PHIP: variants seen among roughly 807,000 people sequenced by gnomAD.
The protein encoded by PHIP is PHIP subunit of CUL4-Ring ligase complex, also known as PH-interacting protein.
A neutral mutation model predicts 236.8 loss-of-function variants in PHIP; 54 were observed. The ratio of observed to expected loss-of-function variants is 0.23; its 90% CI spans 0.18 to 0.29. PHIP has a LOEUF of 0.29. Among genes scored for constraint, PHIP ranks in the 10% least tolerant of loss-of-function variants. PHIP has a pLI of 1.00. For missense variants in PHIP, 1,370 were observed against 2,190.8 expected (o/e 0.63, Z 7.48); for synonymous variants, 756 against 718.9 (o/e 1.05, Z -0.83).
intron 6 of PHIP, among the ~76,000 whole-genome samples, chr6:79,044,683 G>T (rs915819129): frequency 1.3e-5 from 2 of 151,904 alleles, no homozygotes; most frequent in African/African-American, 4.8e-5. Flanking sequence ...CCAAAATGTC[G>T]AATTTTAGGA....
chr6:79,015,063 T>C lies in PHIP; in HGVS notation c.1524+19A>G, dbSNP rs1471929527. On this transcript the variant is annotated intron_variant, in intron 15 of 39. Coordinates refer to ENST00000275034, the MANE Select transcript of PHIP (RefSeq NM_017934.7). ...TCCCAAATCTTTAGTAGGTATAAAATGAAGAGAATGATAATTACCATATTG... is the reference window on the plus strand; with the variant it reads ...TCCCAAATCTTTAGTAGGTATAAAACGAAGAGAATGATAATTACCATATTG... The C allele has an allele frequency of 6.2e-7, 1 of 1,601,170 alleles. No individual in the cohort carries two copies. Among genetic ancestry groups the C allele is most frequent in the Non-Finnish European group, 8.6e-7 (1 of 1,169,518 alleles).
At chr6:78,955,169 AG>A in intron 34 of PHIP, 62 bp downstream of exon 34, 1 of 1,158,252 alleles carries the variant, frequency 8.6e-7, no homozygotes, top group Non-Finnish European at 1.2e-6. Flanking sequence ...AAAAAAATAA[AG>A]AAAGCTCTTA....
rs866129442 is a variant in PHIP, at chr6:78,974,418, T to A, written c.2890-3530A>T. On this transcript the variant is annotated intron_variant, in intron 24 of 39. Coordinates refer to ENST00000275034, the MANE Select transcript of PHIP (RefSeq NM_017934.7). ...TTATAGCACTAAATGCCCACAAGAGTAAGCAGGAAAGATCCAAAATTGACA... is the reference window on the plus strand; with the variant it reads ...TTATAGCACTAAATGCCCACAAGAGAAAGCAGGAAAGATCCAAAATTGACA... Among the ~76,000 whole-genome samples, 88 of 150,550 alleles carry A rather than the reference T, an allele frequency of 5.8e-4. 1 individual carries two copies. The South Asian group carries it at 7.0e-3, about 12-fold the overall frequency.
intron 19 of PHIP, among the ~76,000 whole-genome samples, chr6:78,993,263 G>A (rs1418697393): frequency 6.6e-6 from 1 of 152,244 alleles, no homozygotes; most frequent in East Asian, 1.9e-4. Context: ...ACATAAAAGT[G>A]TAGGGTGAAG....
At chr6:79,038,474 A>G (rs1376068564) in intron 7 of PHIP, among the ~76,000 whole-genome samples, 1 of 152,214 alleles carries the variant, frequency 6.6e-6, no homozygotes, top group African/African-American at 2.4e-5. Flanking sequence ...GAGGGGACAG[A>G]AACATTCAGA....
At chr6:78,978,932 C>G (rs895460617) in intron 23 of PHIP, among the ~76,000 whole-genome samples, 1 of 152,110 alleles carries the variant, frequency 6.6e-6, no homozygotes, top group African/African-American at 2.4e-5. Context: ...AAAGTTCCAA[C>G]AGGCAAAACT....
chr6:79,055,553 C>G (rs1044290135), intron 6 of PHIP, among the ~76,000 whole-genome samples: 10 of 152,152 alleles, frequency 6.6e-5, no homozygotes, highest in African/African-American at 9.6e-5. Context: ...AAAAGAATCA[C>G]AAGCTAGTAA....
rs529717950 is a variant in PHIP, at chr6:78,971,757, A to C, written c.2890-869T>G. ...GGGAGTTCCCTTTCCTAATCAAAGAAAGGGGTGACGGACGGCACCTGGAAA... is the reference window on the plus strand; with the variant it reads ...GGGAGTTCCCTTTCCTAATCAAAGACAGGGGTGACGGACGGCACCTGGAAA... On this transcript the variant is annotated intron_variant, in intron 24 of 39. Coordinates refer to ENST00000275034, the MANE Select transcript of PHIP (RefSeq NM_017934.7). 3.1e-3 allele frequency among the ~76,000 whole-genome samples: 474 copies of C among 152,226 alleles called. 3 individuals are homozygous for C. Among genetic ancestry groups the C allele is most frequent in the African/African-American group, 0.011 (440 of 41,540 alleles).
chr6:79,076,147 A>C (rs770810891), intron 4 of PHIP, among the ~76,000 whole-genome samples: 3 of 152,190 alleles, frequency 2.0e-5, no homozygotes, highest in Non-Finnish European at 2.9e-5. Flanking sequence ...AACAGCCTTG[A>C]GCGGTTATCA....
At position 78,963,752 on chromosome 6, in the gene PHIP, T is replaced by C. The variant is rs756153312; in HGVS notation, c.3380-500A>G. On this transcript the variant is annotated intron_variant, in intron 29 of 39. Coordinates refer to ENST00000275034, the MANE Select transcript of PHIP (RefSeq NM_017934.7). ...TATGAAGGTATGCTTTCTGCATGCT[T>C]GAATCTTTAACAGTTTTAGCTGAGA... 3.9e-5 allele frequency among the ~76,000 whole-genome samples: 6 copies of C among 152,334 alleles called. No individual in the cohort carries two copies. In the Middle Eastern group the frequency reaches 0.01, roughly 259 times the overall value.
rs763939276 is a variant in PHIP, at chr6:78,963,083, G to A, written c.3535+14C>T. On this transcript the variant is annotated intron_variant, in intron 30 of 39. Coordinates refer to ENST00000275034, the MANE Select transcript of PHIP (RefSeq NM_017934.7). ...CTGCCAGTTTTTTCTATACTCGCGT[G>A]TTGCTTTACTTACCTAGTGTCATCA... is the stretch of plus-strand genomic sequence containing the variant. 2 of 1,566,006 alleles carry A rather than the reference G, an allele frequency of 1.3e-6. No individual in the cohort carries two copies. The highest frequency in any genetic ancestry group is 1.7e-6 in the Non-Finnish European group (2 of 1,159,652).
intron 4 of PHIP, among the ~76,000 whole-genome samples, chr6:79,065,438 T>A (rs1304348177): frequency 1.3e-5 from 2 of 152,154 alleles, no homozygotes; most frequent in African/African-American, 2.4e-5. Flanking sequence ...TTCAAACACA[T>A]GGCCTTCTTT....
chr6:78,960,173 C>A (rs576046906), intron 31 of PHIP, among the ~76,000 whole-genome samples: 2 of 152,258 alleles, frequency 1.3e-5, no homozygotes, highest in South Asian at 4.1e-4. Flanking sequence ...CACTGTAAAG[C>A]TGAAAAATCT....
chr6:79,001,114 T>C (rs1769964769), intron 17 of PHIP, among the ~76,000 whole-genome samples: 1 of 152,078 alleles, frequency 6.6e-6, no homozygotes, highest in Non-Finnish European at 1.5e-5. Flanking sequence ...ACTTAAAATA[T>C]TTTCATAAAT....
intron 7 of PHIP, among the ~76,000 whole-genome samples, chr6:79,033,745 G>A (rs1459014929): frequency 3.9e-5 from 6 of 152,116 alleles, no homozygotes; most frequent in South Asian, 2.1e-4. Context: ...GGAGTAGCAC[G>A]TTTAATTTCC....
chr6:78,969,737 C>T (rs1767397179), intron 27 of PHIP, 98 bp downstream of exon 27: 1 of 566,610 alleles, frequency 1.8e-6, no homozygotes, highest in Admixed American at 3.6e-5. Flanking sequence ...AAAAAGATTT[C>T]TCTGATAATC....
intron 27 of PHIP, among the ~76,000 whole-genome samples, chr6:78,968,165 C>A (rs1045214966): frequency 2.0e-5 from 3 of 152,040 alleles, no homozygotes; most frequent in Non-Finnish European, 4.4e-5. Context: ...TTTATCATAT[C>A]AAGTAATGTA....
intron 35 of PHIP, among the ~76,000 whole-genome samples, chr6:78,949,333 T>G (rs1774007566): frequency 6.6e-6 from 1 of 152,060 alleles, no homozygotes; most frequent in Non-Finnish European, 1.5e-5. Flanking sequence ...TAGTGAGGGG[T>G]TCCACTGAGA....
At chr6:79,045,401 C>T (rs1405925526) in intron 6 of PHIP, among the ~76,000 whole-genome samples, 3 of 152,056 alleles carry the variant, frequency 2.0e-5, no homozygotes, top group African/African-American at 7.2e-5. Flanking sequence ...GACTCACATT[C>T]GATGAACTCC....
Sources: gnomAD v4.1 joint callset for allele counts (sites outside exome capture counted in the v4.1 genomes callset) on GRCh38, gnomAD v4.1.1 for gene constraint, MANE v1.5 for transcripts, NCBI Gene and HGNC (gene_info 2026-07-23, HGNC 2026-07-21) for gene names.